Variants in DGKI observed in about 807,000 individuals in gnomAD.
DGKI encodes diacylglycerol kinase iota.
DGKI carries 55 observed loss-of-function variants against 147.5 expected under a neutral mutation model. That is an observed-to-expected ratio of 0.37 (90% CI 0.30 to 0.47). The LOEUF is 0.47. DGKI is among the 20% of genes least tolerant of loss of function. The pLI, the probability that DGKI is intolerant of heterozygous loss-of-function variation, is 1.00. For synonymous variants in DGKI, 469 were observed against 477.1 expected (o/e 0.98, Z 0.22); for missense variants, 1,007 against 1,323.8 (o/e 0.76, Z 3.71).
intron 1 of DGKI, among the ~76,000 whole-genome samples, chr7:137,760,517 C>G (rs1011267134): frequency 1.3e-5 from 2 of 152,172 alleles, no homozygotes; most frequent in Admixed American, 6.5e-5. Context: ...CCCCCTACCC[C>G]ACTCTAGTCT....
rs754638094 is a variant in DGKI at position 137,597,933 on chromosome 7, A to T, written c.1251-26T>A. 9.3e-6 allele frequency: 15 copies of T among 1,605,464 alleles called. No homozygotes were observed. The South Asian group carries it at 1.1e-4, about 12-fold the overall frequency. On this transcript the variant is annotated intron_variant, in intron 11 of 32. Coordinates refer to ENST00000614521, the MANE Select transcript of DGKI (RefSeq NM_001321708.2). ...CTGTAGAGGAAATAGAAGAAAAAGTAAACAAAAGAACATTTCACTGGCTAG... is the reference window on the plus strand; with the variant it reads ...CTGTAGAGGAAATAGAAGAAAAAGTTAACAAAAGAACATTTCACTGGCTAG...
chr7:137,836,221 C>A (rs1341203538), intron 1 of DGKI, among the ~76,000 whole-genome samples: 4 of 152,124 alleles, frequency 2.6e-5, no homozygotes, highest in Non-Finnish European at 5.9e-5. Context: ...ATAGCTTGGG[C>A]ATTTATTTTT....
chr7:137,577,876 C>G (rs936700323), intron 16 of DGKI, among the ~76,000 whole-genome samples: 2 of 152,208 alleles, frequency 1.3e-5, no homozygotes, highest in Non-Finnish European at 2.9e-5. Context: ...AGTTTCTAAT[C>G]CAAACGTCAA....
chr7:137,736,299 C>T (rs987704716), intron 1 of DGKI, among the ~76,000 whole-genome samples: 1 of 152,052 alleles, frequency 6.6e-6, no homozygotes. Flanking sequence ...CATGCAATCT[C>T]CATCAAGCTA....
At chr7:137,538,332 A>T (rs1488347533) in intron 20 of DGKI, among the ~76,000 whole-genome samples, 1 of 152,216 alleles carries the variant, frequency 6.6e-6, no homozygotes, top group Non-Finnish European at 1.5e-5. Context: ...TCCTGGAACA[A>T]AAATCAATTT....
At chr7:137,773,104 T>C (rs1444864960) in intron 1 of DGKI, among the ~76,000 whole-genome samples, 1 of 152,212 alleles carries the variant, frequency 6.6e-6, no homozygotes, top group Non-Finnish European at 1.5e-5. Context: ...TTATACCACA[T>C]TTTACTTCTA....
At chr7:137,824,482 C>T (rs1797996571) in intron 1 of DGKI, among the ~76,000 whole-genome samples, 1 of 147,646 alleles carries the variant, frequency 6.8e-6, no homozygotes, top group African/African-American at 2.6e-5. Context: ...TGCCACTGCA[C>T]TCCAGCCTGG....
chr7:137,690,362 T>G (rs1008342786), intron 1 of DGKI, among the ~76,000 whole-genome samples: 2 of 152,204 alleles, frequency 1.3e-5, no homozygotes, highest in African/African-American at 4.8e-5. Context: ...ACTTTAAGAT[T>G]GCCAGCGACT....
chr7:137,540,086 G>A (rs1817639166), intron 20 of DGKI, among the ~76,000 whole-genome samples: 1 of 152,188 alleles, frequency 6.6e-6, no homozygotes, highest in South Asian at 2.1e-4. Context: ...CTCCTAAAGA[G>A]ATTGAATTTA....
chr7:137,727,654 TTCA>T (rs1374759372), intron 1 of DGKI, among the ~76,000 whole-genome samples: 1 of 152,212 alleles, frequency 6.6e-6, no homozygotes, highest in Non-Finnish European at 1.5e-5. Flanking sequence ...TCTCAAACTG[TTCA>T]TCAAACATTC....
intron 1 of DGKI, among the ~76,000 whole-genome samples, chr7:137,773,029 C>T (rs1488998815): frequency 1.3e-5 from 2 of 152,154 alleles, no homozygotes; most frequent in African/African-American, 4.8e-5. Context: ...GGAATGCACT[C>T]CCTTTTTTGC....
At chr7:137,700,025 T>G (rs1227203809) in intron 1 of DGKI, among the ~76,000 whole-genome samples, 2 of 152,158 alleles carry the variant, frequency 1.3e-5, no homozygotes, top group Non-Finnish European at 2.9e-5. Flanking sequence ...TAATTCAGAG[T>G]GCCATAGATA....
At chr7:137,445,789 T>C (rs1427960017) in intron 27 of DGKI, among the ~76,000 whole-genome samples, 2 of 152,074 alleles carry the variant, frequency 1.3e-5, no homozygotes, top group African/African-American at 4.8e-5. Context: ...GAAGCTCCAA[T>C]TGGTTATAAT....
chr7:137,534,668 A>C (rs1172892822), intron 20 of DGKI, among the ~76,000 whole-genome samples: 1 of 152,068 alleles, frequency 6.6e-6, no homozygotes, highest in East Asian at 1.9e-4. Context: ...AAAATATTTT[A>C]AACAACTAAA....
intron 8 of DGKI, among the ~76,000 whole-genome samples, chr7:137,612,803 C>T (rs1161083071): frequency 6.6e-6 from 1 of 152,028 alleles, no homozygotes; most frequent in African/African-American, 2.4e-5. Context: ...GCAGCTAACT[C>T]GGTGATAAAA....
chr7:137,724,078 G>C (rs577635968), intron 1 of DGKI, among the ~76,000 whole-genome samples: 2 of 152,146 alleles, frequency 1.3e-5, no homozygotes, highest in Non-Finnish European at 2.9e-5. Context: ...GAGAGAGAGA[G>C]AGAGAGACAG....
chr7:137,542,574 A>AT (rs1817738637), intron 20 of DGKI, among the ~76,000 whole-genome samples: 1 of 152,166 alleles, frequency 6.6e-6, no homozygotes, highest in African/African-American at 2.4e-5. Context: ...AACTATAATG[A>AT]TTAGTGGTTG....
intron 1 of DGKI, among the ~76,000 whole-genome samples, chr7:137,793,267 T>TC (rs1796917804): frequency 6.6e-6 from 1 of 151,768 alleles, no homozygotes; most frequent in African/African-American, 2.4e-5. Flanking sequence ...CCCATTCTCT[T>TC]CCCCTTCCAA....
At chr7:137,572,666 A>T in intron 18 of DGKI, 99 bp downstream of exon 18, 1 of 757,896 alleles carries the variant, frequency 1.3e-6, no homozygotes, top group East Asian at 2.6e-5. Flanking sequence ...TAGATAACTG[A>T]TCTTCATTGT....
Sources: allele counts gnomAD v4.1 joint callset (sites outside exome capture counted in the v4.1 genomes callset), GRCh38; gene constraint gnomAD v4.1.1; transcripts MANE v1.5; gene names NCBI Gene and HGNC (gene_info 2026-07-23, HGNC 2026-07-21).